The following WDR27 variants were observed in gnomAD, a reference collection of about 807,000 sequenced individuals.
The protein encoded by WDR27 is WD repeat domain 27.
Under a neutral mutation model 114.4 loss-of-function variants are expected in WDR27, and 100 were observed. The observed-to-expected ratio is 0.87, with a 90% CI of 0.74 to 1.03. The LOEUF (loss-of-function observed/expected upper bound fraction) is 1.03, where lower values mean the gene tolerates loss of function less well. Ranked by LOEUF, WDR27 falls within the 50% of genes least tolerant of loss-of-function variation. WDR27 has a pLI of 0.00. For synonymous variants in WDR27, 449 were observed against 423.1 expected (o/e 1.06, Z -0.75); for missense variants, 1,129 against 1,092.9 (o/e 1.03, Z -0.47).
At chr6:169,465,566 G>A (rs915054301) in intron 25 of WDR27, among the ~76,000 whole-genome samples, 7 of 152,202 alleles carry the variant, frequency 4.6e-5, no homozygotes, top group Admixed American at 3.9e-4. Flanking sequence ...AGAACTGAAC[G>A]TAGGGTCTCT....
chr6:169,586,058 T>C (rs965255078), intron 23 of WDR27, among the ~76,000 whole-genome samples: 2 of 152,214 alleles, frequency 1.3e-5, no homozygotes, highest in African/African-American at 4.8e-5. Context: ...TTCCAGATTG[T>C]TTAATGTCAA....
chr6:169,451,551 G>T, the WDR27 span, among the ~76,000 whole-genome samples: 1 of 152,218 alleles, frequency 6.6e-6, no homozygotes, highest in East Asian at 1.9e-4. Flanking sequence ...GTACCTAGAA[G>T]TTGAATTGCT....
the WDR27 span, among the ~76,000 whole-genome samples, chr6:169,429,851 C>G: frequency 6.6e-6 from 1 of 152,188 alleles, no homozygotes; most frequent in African/African-American, 2.4e-5. Flanking sequence ...GTGCCCTGGC[C>G]TACGAGCTGT....
At chr6:169,648,145 T>A in intron 15 of WDR27, among the ~76,000 whole-genome samples, 1 of 152,344 alleles carries the variant, frequency 6.6e-6, no homozygotes, top group East Asian at 1.9e-4. Flanking sequence ...TAAACTCATG[T>A]GAGTACTGTG....
intron 25 of WDR27, among the ~76,000 whole-genome samples, chr6:169,510,341 T>C (rs1357074363): frequency 1.3e-5 from 2 of 152,096 alleles, no homozygotes; most frequent in Non-Finnish European, 2.9e-5. Context: ...CGTATGTTTA[T>C]TGTGGCACTA....
At chr6:169,525,780 C>T (rs113251190) in intron 25 of WDR27, among the ~76,000 whole-genome samples, 3,844 of 152,224 alleles carry the variant, frequency 0.025, 56 homozygotes, top group Non-Finnish European at 0.034. Context: ...AAGAGATACA[C>T]GCACTCTCAT....
At chr6:169,640,834 G>A (rs1818968949) in intron 17 of WDR27, among the ~76,000 whole-genome samples, 2 of 143,998 alleles carry the variant, frequency 1.4e-5, no homozygotes, top group African/African-American at 2.6e-5. Context: ...GCTGCAAGAG[G>A]CCGCGAGAGG....
chr6:169,626,165 G>A (rs980868180), intron 21 of WDR27, among the ~76,000 whole-genome samples: 4 of 152,198 alleles, frequency 2.6e-5, no homozygotes, highest in Non-Finnish European at 5.9e-5. Flanking sequence ...GATGATAGGC[G>A]GAGACAAGCC....
chr6:169,488,875 C>A (rs549090656), intron 25 of WDR27, among the ~76,000 whole-genome samples: 37 of 151,892 alleles, frequency 2.4e-4, no homozygotes, highest in African/African-American at 6.5e-4. Flanking sequence ...CTGATGCACA[C>A]CACGTATAGG....
At chr6:169,490,903 C>A (rs180772022) in intron 25 of WDR27, among the ~76,000 whole-genome samples, 1 of 152,170 alleles carries the variant, frequency 6.6e-6, no homozygotes, top group Non-Finnish European at 1.5e-5. Flanking sequence ...TGCAGGATAA[C>A]AGGCCCAAAG....
chr6:169,452,767 C>T (rs1323005446), downstream of WDR27, among the ~76,000 whole-genome samples: 1 of 152,254 alleles, frequency 6.6e-6, no homozygotes, highest in Non-Finnish European at 1.5e-5. Context: ...TGGAAATTGG[C>T]TTTGCCAAAT....
intron 25 of WDR27, among the ~76,000 whole-genome samples, chr6:169,535,422 C>T (rs946015138): frequency 2.0e-5 from 3 of 152,108 alleles, no homozygotes; most frequent in Admixed American, 2.0e-4. Context: ...GTATTGGAGC[C>T]ACACAGGAAT....
At chr6:169,531,878 T>A (rs1455744942) in intron 25 of WDR27, among the ~76,000 whole-genome samples, 1 of 152,172 alleles carries the variant, frequency 6.6e-6, no homozygotes, top group African/African-American at 2.4e-5. Flanking sequence ...GGTCTCAAAC[T>A]CCTCGTGATC....
intron 25 of WDR27, among the ~76,000 whole-genome samples, chr6:169,468,009 C>T (rs751603356): frequency 1.3e-5 from 2 of 152,204 alleles, no homozygotes; most frequent in Non-Finnish European, 2.9e-5. Context: ...ACTTCTTCCG[C>T]CAGATACCCT....
At chr6:169,550,189 ATTTG>A (rs1341245457) in intron 25 of WDR27, among the ~76,000 whole-genome samples, 5 of 152,322 alleles carry the variant, frequency 3.3e-5, no homozygotes, top group East Asian at 1.9e-4. Context: ...TTTAAAAAGA[ATTTG>A]TTTAAGTAAA....
chr6:169,594,698 C>T (rs1033458), intron 23 of WDR27, among the ~76,000 whole-genome samples: 19,141 of 152,046 alleles, frequency 0.13, 1,588 homozygotes, highest in South Asian at 0.29. Flanking sequence ...GTGTTTTGTG[C>T]GATACTAAAA....
At chr6:169,472,459 G>A (rs1786552691) in intron 25 of WDR27, among the ~76,000 whole-genome samples, 1 of 152,022 alleles carries the variant, frequency 6.6e-6, no homozygotes, top group South Asian at 2.1e-4. Flanking sequence ...TTTGAGGGAA[G>A]TTACTTAAAT....
At chr6:169,693,643 T>C (rs1365013611) in intron 1 of WDR27, among the ~76,000 whole-genome samples, 1 of 151,814 alleles carries the variant, frequency 6.6e-6, no homozygotes, top group Non-Finnish European at 1.5e-5. Flanking sequence ...AGGAAAAAGA[T>C]ATTCCACACA....
intron 25 of WDR27, among the ~76,000 whole-genome samples, chr6:169,502,405 GT>G (rs1185021154): frequency 2.6e-5 from 4 of 152,168 alleles, no homozygotes; most frequent in Non-Finnish European, 4.4e-5. Context: ...TTACACTGTA[GT>G]TTTTTTGTTG....
Sources: gnomAD v4.1 joint callset for allele counts (sites outside exome capture counted in the v4.1 genomes callset) on GRCh38, gnomAD v4.1.1 for gene constraint, MANE v1.5 for transcripts, NCBI Gene and HGNC (gene_info 2026-07-23, HGNC 2026-07-21) for gene names.